The following PVRIG variants were observed in gnomAD, a reference collection of about 807,000 sequenced individuals.
PVRIG encodes transmembrane protein PVRIG.
PVRIG carries 16 observed loss-of-function variants against 21.9 expected under a neutral mutation model. The ratio of observed to expected loss-of-function variants is 0.73; its 90% confidence interval spans 0.50 to 1.11. PVRIG has a LOEUF of 1.11. PVRIG is among the 50% of genes most tolerant of loss of function. PVRIG has a pLI of 0.00. For synonymous variants in PVRIG, 190 were observed against 181.0 expected, an observed-to-expected ratio of 1.05 and a Z score of -0.40; for missense variants, 435 against 445.7, an observed-to-expected ratio of 0.98 and a Z score of 0.22.
At chr7:100,219,755 C>T in exon 2 of PVRIG, 1 of 691,344 alleles carries the variant, frequency 1.4e-6, no homozygotes, top group Non-Finnish European at 2.6e-6. Flanking sequence ...GCCGCCCTGC[C>T]TTGTTACCTG....
At chr7:100,221,096 T>G in exon 6 of PVRIG, 1 of 1,613,982 alleles carries the variant, frequency 6.2e-7, no homozygotes, top group South Asian at 1.1e-5. Context: ...CGCCTGGGCC[T>G]CCACACCCAT....
chr7:100,220,765 C>G, exon 5 of PVRIG: 1 of 1,606,100 alleles, frequency 6.2e-7, no homozygotes, highest in Non-Finnish European at 8.5e-7. Flanking sequence ...CCCAGCCCTG[C>G]CCCTAGGCTC....
rs1330074303 is a variant in PVRIG at position 100,221,034 on chromosome 7, C to A, written c.764C>A (p.Ser255Tyr). ...ACAGCTCACCCCCATGGGGGGCCGT[C>A]CTGGTGGGCGTCACTCCCCACCCAC... Residue 255 changes from serine (S) to tyrosine (Y), a missense_variant, in exon 6 of 6, where the codon TCC (serine) becomes TAC (tyrosine). Transcript: ENST00000317271. 1.9e-6 allele frequency: 3 copies of A among 1,613,146 alleles called. No individual in the cohort carries two copies. Among genetic ancestry groups the A allele is most frequent in the East Asian group, 2.2e-5 (1 of 44,884 alleles).
exon 6 of PVRIG, chr7:100,221,460 AAGTC>A (rs1263340942): frequency 4.3e-6 from 2 of 464,930 alleles, no homozygotes; most frequent in African/African-American, 2.0e-5. Flanking sequence ...TGCTGCAACT[AAGTC>A]AGCAACACAG....
chr7:100,220,949 G>C (rs1319407138), exon 6 of PVRIG: 1 of 1,581,514 alleles, frequency 6.3e-7, no homozygotes, highest in East Asian at 2.2e-5. Flanking sequence ...GGCCTCCCAG[G>C]CTGCTCTTCA....
exon 6 of PVRIG, chr7:100,221,468 AAC>A (rs1803250862): frequency 4.3e-6 from 2 of 464,914 alleles, no homozygotes; most frequent in African/African-American, 2.0e-5. Context: ...CTAAGTCAGC[AAC>A]ACAGTTTCTC....
rs1803158879 is a variant in PVRIG at position 100,220,528 on chromosome 7, T to C, written c.470-19T>C. The C allele has an allele frequency of 1.2e-6, 2 of 1,611,270 alleles. No homozygotes were observed. Among genetic ancestry groups the C allele is most frequent in the East Asian group, 4.5e-5 (2 of 44,838 alleles). On this transcript the variant is annotated intron_variant, in intron 3 of 5. Coordinates refer to ENST00000317271, the Ensembl canonical transcript of PVRIG. ...GCTCGGGAACTGGCCACCCATCTGA[T>C]TCTTGTCTCCGTGCCCAGGGCTCTC...
exon 6 of PVRIG, chr7:100,221,044 G>C: frequency 6.2e-7 from 1 of 1,613,432 alleles, no homozygotes; most frequent in Non-Finnish European, 8.5e-7. Flanking sequence ...CCTGGTGGGC[G>C]TCACTCCCCA....
exon 6 of PVRIG, chr7:100,221,212 G>C (rs1306848562): frequency 3.1e-6 from 5 of 1,605,846 alleles, no homozygotes; most frequent in South Asian, 2.2e-5. Context: ...CTGACCCTCG[G>C]GGGCCCAGGG....
chr7:100,221,439 C>T, exon 6 of PVRIG: 1 of 475,872 alleles, frequency 2.1e-6, no homozygotes, highest in South Asian at 4.7e-5. Context: ...TACCCCATTT[C>T]AGTCATTTCC....
chr7:100,221,452 C>T (rs532851421), exon 6 of PVRIG: 1 of 470,504 alleles, frequency 2.1e-6, no homozygotes, highest in Admixed American at 3.9e-5. Flanking sequence ...TCATTTCCTG[C>T]TGCAACTAAG....
exon 3 of PVRIG, chr7:100,220,327 A>G (rs1258759779): frequency 6.4e-7 from 1 of 1,556,906 alleles, no homozygotes; most frequent in Non-Finnish European, 8.7e-7. Context: ...TGGGAAACCC[A>G]GAGCAGCATC....
At position 100,220,780 on chromosome 7, in the gene PVRIG, C is replaced by T. The variant is rs202029819; in HGVS notation, c.617C>T (p.Pro206Leu). 4.9e-4 allele frequency: 780 copies of T among 1,605,850 alleles called. No individual in the cohort carries two copies. Among genetic ancestry groups the T allele is most frequent in the Non-Finnish European group, 4.8e-4 (568 of 1,179,886 alleles). The change falls in exon 5 of 6, where the codon CCG becomes CTG. Residue 206 changes from proline to leucine, a missense_variant. Transcript: ENST00000317271. ...CCCAGCCCTGCCCCTAGGCTCCAGC[C>T]GTCCCGCACCAGCCCCCAGGCACCG... is the stretch of plus-strand genomic sequence containing the variant.
chr7:100,220,381 A>C lies in PVRIG; in HGVS notation c.386A>C (p.Asn129Thr), dbSNP rs756830522. The change falls in exon 3 of 6, where the codon AAC (asparagine) becomes ACC (threonine). Residue 129 changes from asparagine to threonine, a missense_variant. Transcript: ENST00000317271. ...TCTGGGGCCAGCAGCCCCTGCGCCAACACCACCTTCTGCTGCAAGTTTGCG... is the reference window on the plus strand; with the variant it reads ...TCTGGGGCCAGCAGCCCCTGCGCCACCACCACCTTCTGCTGCAAGTTTGCG... The C allele has an allele frequency of 3.8e-6, 6 of 1,581,332 alleles. No homozygotes were observed. Among genetic ancestry groups the C allele is most frequent in the African/African-American group, 2.7e-5 (2 of 74,354 alleles).
chr7:100,219,727 G>A (rs564273450), exon 2 of PVRIG: 12 of 641,166 alleles, frequency 1.9e-5, no homozygotes, highest in Admixed American at 1.5e-4. Flanking sequence ...AGCCAGGGCT[G>A]GGTTCTCACC....
chr7:100,221,008 C>T, exon 6 of PVRIG: 4 of 1,609,054 alleles, frequency 2.5e-6, no homozygotes, highest in Non-Finnish European at 3.4e-6. Context: ...CTACTTTGGA[C>T]ACAGCTCACC....
rs1430315707 is a variant in PVRIG, at chr7:100,220,315, G to A, written c.320G>A (p.Arg107His). ...CAATGGGCCCCTGCTCGCCAGGCCCGCTGGGAAACCCAGAGCAGCATCTCT... is the reference window on the plus strand; with the variant it reads ...CAATGGGCCCCTGCTCGCCAGGCCCACTGGGAAACCCAGAGCAGCATCTCT... The change falls in exon 3 of 6, where the codon CGC (arginine) becomes CAC (histidine). Residue 107 changes from arginine (R) to histidine (H), a missense_variant. By Grantham distance (29) the Arg-to-His change is conservative (BLOSUM62 0). Transcript: ENST00000317271. 1.0e-5 allele frequency: 16 copies of A among 1,556,382 alleles called. No individual in the cohort carries two copies. Among genetic ancestry groups the A allele is most frequent in the South Asian group, 2.4e-5 (2 of 84,944 alleles).
chr7:100,220,836 G>C lies in PVRIG; in HGVS notation c.657+16G>C. The C allele has an allele frequency of 1.2e-6, 2 of 1,607,456 alleles. No homozygotes were observed. The highest frequency in any genetic ancestry group is 1.7e-5 in the Admixed American group (1 of 59,140). The stretch of plus-strand genomic sequence containing the variant: ...ACGAGCATGGGTGAGGAGGGGACCT[G>C]CTTTGGGGATGAGGTGACAGGGGCA... On this transcript the variant is annotated intron_variant, in intron 5 of 5. Coordinates refer to ENST00000317271, the Ensembl canonical transcript of PVRIG.
exon 6 of PVRIG, chr7:100,221,260 A>G: frequency 6.5e-7 from 1 of 1,542,054 alleles, no homozygotes. Context: ...GAGAGAGACC[A>G]TGAGGCCACT....
Sources: gnomAD v4.1 joint callset for allele counts on GRCh38, gnomAD v4.1.1 for gene constraint, MANE v1.5 for transcripts, NCBI Gene and HGNC (gene_info 2026-07-23, HGNC 2026-07-21) for gene names.